Variants in NPSR1 observed in about 807,000 individuals in gnomAD.
NPSR1 encodes the protein neuropeptide S receptor 1.
NPSR1 carries 48 observed loss-of-function variants against 46.9 expected under a neutral mutation model. That is an observed-to-expected ratio of 1.02 (90% CI 0.81 to 1.30). The LOEUF is 1.30. NPSR1 is among the 50% of genes most tolerant of loss of function. NPSR1 has a pLI of 0.00. For synonymous variants in NPSR1, 176 were observed against 168.1 expected, an observed-to-expected ratio of 1.05 and a Z score of -0.36; for missense variants, 450 against 449.5, an observed-to-expected ratio of 1.00 and a Z score of -0.01.
intron 2 of NPSR1, among the ~76,000 whole-genome samples, chr7:34,724,080 T>C (rs1029553732): frequency 6.6e-6 from 1 of 152,242 alleles, no homozygotes; most frequent in Non-Finnish European, 1.5e-5. Flanking sequence ...CATTATACTT[T>C]CACTTTCACC....
At chr7:34,807,234 T>A (rs1275985659) in intron 3 of NPSR1, among the ~76,000 whole-genome samples, 1 of 152,204 alleles carries the variant, frequency 6.6e-6, no homozygotes, top group East Asian at 1.9e-4. Flanking sequence ...TAAGTCTTAC[T>A]TTTTAGAGCT....
At chr7:34,839,382 C>T (rs1007775267) in intron 6 of NPSR1, among the ~76,000 whole-genome samples, 2 of 152,132 alleles carry the variant, frequency 1.3e-5, no homozygotes, top group Non-Finnish European at 2.9e-5. Flanking sequence ...CCTAGACATT[C>T]CTAGAGATGC....
chr7:34,807,984 T>C (rs1419040477), intron 3 of NPSR1, among the ~76,000 whole-genome samples: 1 of 148,696 alleles, frequency 6.7e-6, no homozygotes, highest in Non-Finnish European at 1.5e-5. Context: ...ACAAATGTAA[T>C]CAAATTAAAG....
chr7:34,757,876 C>T (rs1785950822), intron 2 of NPSR1, among the ~76,000 whole-genome samples: 1 of 152,222 alleles, frequency 6.6e-6, no homozygotes, highest in Admixed American at 6.5e-5. Context: ...TACAACAGCT[C>T]AGACTCTTCT....
intron 2 of NPSR1, among the ~76,000 whole-genome samples, chr7:34,775,422 C>T (rs561175066): frequency 1.3e-5 from 2 of 152,200 alleles, no homozygotes; most frequent in African/African-American, 4.8e-5. Context: ...GATATTAGTT[C>T]TTCATTAAAT....
chr7:34,789,738 C>T (rs28800344), intron 3 of NPSR1, among the ~76,000 whole-genome samples: 153 of 55,008 alleles, frequency 2.8e-3, no homozygotes, highest in African/African-American at 0.012. Flanking sequence ...AGTTGCAGTG[C>T]GCAAAAAAAA....
At chr7:34,739,464 T>C (rs1452123288) in intron 2 of NPSR1, among the ~76,000 whole-genome samples, 1 of 152,280 alleles carries the variant, frequency 6.6e-6, no homozygotes, top group Non-Finnish European at 1.5e-5. Context: ...TCTGTGGTTT[T>C]GGTTTGCATT....
intron 2 of NPSR1, among the ~76,000 whole-genome samples, chr7:34,722,706 CTT>C (rs1783923283): frequency 6.6e-6 from 1 of 152,136 alleles, no homozygotes; most frequent in Admixed American, 6.5e-5. Context: ...AGTGGGCAGA[CTT>C]GAGCTATTCT....
At chr7:34,809,527 A>G (rs1788880819) in intron 3 of NPSR1, among the ~76,000 whole-genome samples, 1 of 145,292 alleles carries the variant, frequency 6.9e-6, no homozygotes, top group Non-Finnish European at 1.5e-5. Flanking sequence ...GCAGTGGCGC[A>G]ATCTCGGCTC....
chr7:34,850,086 T>C (rs1486858958), downstream of NPSR1: 18 of 726,580 alleles, frequency 2.5e-5, no homozygotes, highest in Non-Finnish European at 2.9e-5. Flanking sequence ...CAGTTTTGGA[T>C]TGGAGGTTCA....
chr7:34,748,875 T>TC (rs34334715), intron 2 of NPSR1, among the ~76,000 whole-genome samples: 2 of 151,872 alleles, frequency 1.3e-5, no homozygotes, highest in African/African-American at 2.4e-5. Flanking sequence ...GCATTCATCT[T>TC]CCCCCCAGTA....
chr7:34,770,416 A>G (rs1328941611), intron 2 of NPSR1, among the ~76,000 whole-genome samples: 2 of 152,170 alleles, frequency 1.3e-5, no homozygotes, highest in Non-Finnish European at 2.9e-5. Context: ...TGGATTATAG[A>G]TCCCATGTGC....
At chr7:34,775,526 A>G (rs1269088678) in intron 2 of NPSR1, among the ~76,000 whole-genome samples, 2 of 152,162 alleles carry the variant, frequency 1.3e-5, no homozygotes, top group Non-Finnish European at 2.9e-5. Context: ...GTTATTGGTC[A>G]TAGTTCAATC....
intron 2 of NPSR1, among the ~76,000 whole-genome samples, chr7:34,696,051 C>T (rs2128692794): frequency 6.9e-6 from 1 of 144,022 alleles, no homozygotes; most frequent in African/African-American, 2.6e-5. Context: ...GGCAATGAAG[C>T]TCAGTCTCCA....
chr7:34,790,999 A>ATTATATATGTTATC lies in NPSR1; in HGVS notation c.384+12435_384+12436insTATATATGTTATCT, dbSNP rs1562730414. On this transcript the variant is annotated intron_variant, in intron 3 of 8. Transcript: ENST00000360581. ...TTATATGTTATATTATATATGTTAT[A>ATTATATATGTTATC]TGTTATATGTTATATTATATATGTT... is the stretch of plus-strand genomic sequence containing the variant. Among the ~76,000 whole-genome samples, 3 of 123,128 alleles carry ATTATATATGTTATC rather than the reference A, an allele frequency of 2.4e-5. 1 individual carries two copies. The highest frequency in any genetic ancestry group is 1.0e-4 in the African/African-American group (3 of 29,912). The allele number at this position is 123,128 out of a possible 152,430, so 80.8% of individuals were successfully genotyped here.
chr7:34,753,722 A>G (rs1339748658), intron 2 of NPSR1: 1 of 152,078 alleles, frequency 6.6e-6, no homozygotes, highest in Non-Finnish European at 1.5e-5. Context: ...GCCCCTGTCC[A>G]AAAAAACAAA....
At chr7:34,807,270 G>A (rs1788744338) in intron 3 of NPSR1, among the ~76,000 whole-genome samples, 1 of 151,976 alleles carries the variant, frequency 6.6e-6, no homozygotes, top group Admixed American at 6.6e-5. Context: ...TTTCTTGGTA[G>A]TTTAGTATAT....
At chr7:34,819,609 T>C (rs1281518891) in intron 4 of NPSR1, among the ~76,000 whole-genome samples, 1 of 152,204 alleles carries the variant, frequency 6.6e-6, no homozygotes, top group Non-Finnish European at 1.5e-5. Context: ...TAAAGACACA[T>C]GCACACGTAT....
At chr7:34,851,603 G>T (rs571987435), downstream of NPSR1, among the ~76,000 whole-genome samples, 1 of 152,312 alleles carries the variant, frequency 6.6e-6, no homozygotes, top group Non-Finnish European at 1.5e-5. Flanking sequence ...TGCTAAAATA[G>T]CTGGCTGCAT....
Sources: gnomAD v4.1 joint callset for allele counts (sites outside exome capture counted in the v4.1 genomes callset) on GRCh38, gnomAD v4.1.1 for gene constraint, MANE v1.5 for transcripts, NCBI Gene and HGNC (gene_info 2026-07-23, HGNC 2026-07-21) for gene names.